The following STRN3 variants were observed in gnomAD, a reference collection of about 807,000 sequenced individuals.
STRN3 encodes the protein striatin-3.
A neutral mutation model predicts 95.6 loss-of-function variants in STRN3; 29 were observed. That is an observed-to-expected ratio of 0.30 (90% CI 0.23 to 0.41). STRN3 has a LOEUF of 0.41. Ranked by LOEUF, STRN3 falls within the 10% of genes least tolerant of loss-of-function variation. The pLI, the probability that STRN3 is intolerant of heterozygous loss-of-function variation, is 1.00. For missense variants in STRN3, 890 were observed against 972.1 expected (o/e 0.92, Z 1.12); for synonymous variants, 331 against 357.6 (o/e 0.93, Z 0.84).
intron 1 of STRN3, among the ~76,000 whole-genome samples, chr14:30,969,543 T>G (rs1471789170): frequency 1.3e-5 from 2 of 152,086 alleles, no homozygotes; most frequent in East Asian, 3.8e-4. Context: ...CACACTAATA[T>G]AAAGGTGAAA....
At chr14:30,999,855 C>T (rs891925223) in intron 1 of STRN3, among the ~76,000 whole-genome samples, 1 of 152,132 alleles carries the variant, frequency 6.6e-6, no homozygotes, top group African/African-American at 2.4e-5. Context: ...CATCAAGATA[C>T]ATCAAATCAA....
intron 8 of STRN3, among the ~76,000 whole-genome samples, chr14:30,924,287 C>CTTTTTTTTTTTTTTTTTTTTTTTTTTT (rs71112354): frequency 1.3e-5 from 1 of 77,228 alleles, no homozygotes; most frequent in Non-Finnish European, 2.2e-5. Context: ...TGCCTTAAAT[C>CTTTTTTTTTTTTTTTTTTTTTTTTTTT]TTTTTTTTTT....
rs115161132 is a variant in STRN3 at position 30,987,703 on chromosome 14, G to T, written c.283-31461C>A. ...TATTCTGACTACTCGCTGTGATTCT[G>T]CCCACAATATTTTCTTACATTCAAT... is the stretch of plus-strand genomic sequence containing the variant. On this transcript the variant is annotated intron_variant, in intron 1 of 17. Transcript: ENST00000357479. Among the ~76,000 whole-genome samples, 173 of 151,522 alleles carry T rather than the reference G, an allele frequency of 1.1e-3. 1 individual carries two copies. The highest frequency in any genetic ancestry group is 3.9e-3 in the African/African-American group (162 of 41,312).
intron 1 of STRN3, among the ~76,000 whole-genome samples, chr14:30,978,194 A>T (rs1881208167): frequency 6.6e-6 from 1 of 152,190 alleles, no homozygotes; most frequent in African/African-American, 2.4e-5. Flanking sequence ...AACCAGAAAA[A>T]TGTACTAGAA....
chr14:30,997,111 G>A (rs1882237366), intron 1 of STRN3, among the ~76,000 whole-genome samples: 1 of 152,114 alleles, frequency 6.6e-6, no homozygotes, highest in South Asian at 2.1e-4. Context: ...TAAGGAACAG[G>A]ATCAGGACCT....
intron 1 of STRN3, among the ~76,000 whole-genome samples, chr14:31,020,822 G>C (rs1485214168): frequency 3.3e-5 from 5 of 151,996 alleles, no homozygotes; most frequent in African/African-American, 1.2e-4. Flanking sequence ...AGGAGGATCA[G>C]TTGAGCTCGG....
chr14:30,920,148 T>C (rs1225221493), intron 8 of STRN3, among the ~76,000 whole-genome samples: 1 of 152,158 alleles, frequency 6.6e-6, no homozygotes, highest in Non-Finnish European at 1.5e-5. Flanking sequence ...CTATGTATCC[T>C]TAACAAAATG....
At position 30,950,850 on chromosome 14, in the gene STRN3, AG is replaced by A. The variant is rs1032162290; in HGVS notation, c.542+12del. On this transcript the variant is annotated intron_variant, in intron 4 of 17. Transcript: ENST00000357479. ...AGATCCTTAAAGAAGGTTGAAAATA[AG>A]TAATTACTCACTGTCTTAAAAGCTG... 6.2e-7 allele frequency: 1 copy of A among 1,611,730 alleles called. No individual in the cohort carries two copies. Among genetic ancestry groups the A allele is most frequent in the African/African-American group, 1.3e-5 (1 of 74,870 alleles).
At chr14:30,949,543 G>A (rs1337264789) in intron 4 of STRN3, among the ~76,000 whole-genome samples, 1 of 152,166 alleles carries the variant, frequency 6.6e-6, no homozygotes, top group Admixed American at 6.5e-5. Context: ...CCCGGGAGGC[G>A]GAGGTTGCAG....
intron 1 of STRN3, among the ~76,000 whole-genome samples, chr14:30,974,911 A>C (rs1447797354): frequency 6.6e-6 from 1 of 151,932 alleles, no homozygotes; most frequent in Non-Finnish European, 1.5e-5. Flanking sequence ...TGCTTGACAC[A>C]GAGTTGCCAC....
Position 30,955,614 on chromosome 14 carries a change from G to C in STRN3, c.460+6C>G. The C allele has an allele frequency of 6.4e-7, 1 of 1,563,702 alleles. No homozygotes were observed. Among genetic ancestry groups the C allele is most frequent in the Non-Finnish European group, 8.6e-7 (1 of 1,163,884 alleles). ...AAAAAAAAAGTAACAGAAGAAGCAA[G>C]TTTACCTGACTCAAAGGTTGGCATT... On this transcript the variant is annotated splice_donor_region_variant and intron_variant, in intron 3 of 17. Coordinates refer to ENST00000357479, the MANE Select transcript of STRN3 (RefSeq NM_001083893.2).
intron 5 of STRN3, among the ~76,000 whole-genome samples, chr14:30,944,879 C>T (rs2139105998): frequency 6.6e-6 from 1 of 152,132 alleles, no homozygotes; most frequent in East Asian, 1.9e-4. Context: ...TTCCAAAGTG[C>T]TGGGATTACA....
intron 5 of STRN3, among the ~76,000 whole-genome samples, chr14:30,945,802 C>T (rs1339318880): frequency 6.6e-6 from 1 of 152,088 alleles, no homozygotes; most frequent in East Asian, 1.9e-4. Flanking sequence ...TACAAATCTA[C>T]AGAGACAGAG....
intron 1 of STRN3, among the ~76,000 whole-genome samples, chr14:31,005,344 CAAGGGAGGGG>C (rs1201096556): frequency 6.6e-6 from 1 of 151,792 alleles, no homozygotes; most frequent in Admixed American, 6.6e-5. Context: ...GAGGGGATGG[CAAGGGAGGGG>C]AGGGGAGGGA....
At position 30,935,221 on chromosome 14, in the gene STRN3, A is replaced by G. The variant is rs1227579801; in HGVS notation, c.930T>C (p.Thr310=). The G allele has an allele frequency of 6.2e-7, 1 of 1,614,022 alleles. No homozygotes were observed. Among genetic ancestry groups the G allele is most frequent in the African/African-American group, 1.3e-5 (1 of 74,938 alleles). ...EALKEFDFLV[T]AEDGEGAGEA... ...CTCCAGCTCCTTCACCATCTTCAGC[A>G]GTCACTAAAAAATCAAATTCTTTCA... Residue 310 remains threonine, a synonymous_variant, in exon 7 of 18, where the codon ACT becomes ACC. Transcript: ENST00000357479.
chr14:30,946,856 G>A (rs1489108055), intron 5 of STRN3, among the ~76,000 whole-genome samples: 1 of 151,900 alleles, frequency 6.6e-6, no homozygotes, highest in Non-Finnish European at 1.5e-5. Context: ...GTGGGTGCCT[G>A]TAATCCCAGC....
At position 30,947,269 on chromosome 14, in the gene STRN3, A is replaced by G. The variant is rs1308332634; in HGVS notation, c.543-6T>C. ...AACCTACTTCCTGAAGATACCTGTA[A>G]GAGAAAATAAATATTAAAATCCACA... On this transcript the variant is annotated splice_polypyrimidine_tract_variant and splice_region_variant and intron_variant, in intron 4 of 17. Coordinates refer to ENST00000357479, the MANE Select transcript of STRN3 (RefSeq NM_001083893.2). 15 of 1,566,658 alleles carry G rather than the reference A, an allele frequency of 9.6e-6. No homozygotes were observed. Among genetic ancestry groups the G allele is most frequent in the Non-Finnish European group, 1.3e-5 (15 of 1,162,028 alleles).
At chr14:30,910,553 A>C (rs1896580367) in intron 13 of STRN3, among the ~76,000 whole-genome samples, 1 of 152,024 alleles carries the variant, frequency 6.6e-6, no homozygotes, top group Non-Finnish European at 1.5e-5. Flanking sequence ...CTACATTTGC[A>C]AGTCAAAGGA....
Position 30,905,546 on chromosome 14 carries a change from G to C in STRN3, c.1901C>G (p.Pro634Arg). Reference sequence around the variant, plus strand: ...ACAGCCTATAAAGTCAACTGATGTAGGTATTCCATGCTCTGAAATGAGCCC... The same window carrying C: ...ACAGCCTATAAAGTCAACTGATGTACGTATTCCATGCTCTGAAATGAGCCC... ...TYNGDKKHGI[P>R]TSVDFIGCDP... Residue 634 changes from proline to arginine, a missense_variant, in exon 15 of 18, where the codon CCT (proline) becomes CGT (arginine). By Grantham distance (103) the Pro-to-Arg change is moderately radical. Around this residue, in one of 3 missense-constraint regions of STRN3, gnomAD observed 357 missense variants for 422.8 expected, o/e 0.84. Coordinates refer to ENST00000357479, the MANE Select transcript of STRN3 (RefSeq NM_001083893.2). The C allele has an allele frequency of 6.2e-7, 1 of 1,600,518 alleles. No individual in the cohort carries two copies. Among genetic ancestry groups the C allele is most frequent in the Non-Finnish European group, 8.5e-7 (1 of 1,175,322 alleles).
Sources: allele counts gnomAD v4.1 joint callset (sites outside exome capture counted in the v4.1 genomes callset), GRCh38; gene constraint gnomAD v4.1.1; regional missense constraint gnomAD v4.1.1; transcripts MANE v1.5; gene names NCBI Gene and HGNC (gene_info 2026-07-23, HGNC 2026-07-21).